LRRTM3: variants seen among roughly 807,000 people sequenced by gnomAD.
LRRTM3 encodes leucine rich repeat transmembrane neuronal 3.
LRRTM3 carries 24 observed loss-of-function variants against 44.7 expected under a neutral mutation model. That is an observed-to-expected ratio of 0.54 (90% CI 0.39 to 0.76). The LOEUF is 0.76. LRRTM3 is among the 30% of genes least tolerant of loss of function. LRRTM3 has a pLI of 0.00. For missense variants in LRRTM3, 587 were observed against 702.2 expected, an observed-to-expected ratio of 0.84 and a Z score of 1.85; for synonymous variants, 277 against 278.7, an observed-to-expected ratio of 0.99 and a Z score of 0.06.
intron 2 of LRRTM3, among the ~76,000 whole-genome samples, chr10:66,980,961 C>T (rs1228768900): frequency 2.6e-5 from 4 of 152,044 alleles, no homozygotes; most frequent in East Asian, 1.9e-4. Context: ...GGCTGGAGTG[C>T]GATGGTGTGA....
chr10:67,057,912 G>T (rs1855535265), intron 2 of LRRTM3, among the ~76,000 whole-genome samples: 1 of 152,156 alleles, frequency 6.6e-6, no homozygotes, highest in African/African-American at 2.4e-5. Context: ...AGACTTCAAA[G>T]AAGGTAATGC....
intron 2 of LRRTM3, among the ~76,000 whole-genome samples, chr10:66,975,602 T>G (rs1032348070): frequency 6.6e-6 from 1 of 152,206 alleles, no homozygotes; most frequent in African/African-American, 2.4e-5. Flanking sequence ...TCTATGATTG[T>G]CATGTACAGA....
At position 67,099,427 on chromosome 10, in the gene LRRTM3, T is replaced by C. The variant is rs999687557; in HGVS notation, c.*1631T>C. ...CATGCCATCAAAAGTAGATTGACAA[T>C]ACATCAATCTAACAGGGGCCAATCA... is the stretch of plus-strand genomic sequence containing the variant. On this transcript the variant is annotated 3_prime_UTR_variant, in exon 3 of 3. Transcript: ENST00000361320. 2.6e-5 allele frequency: 4 copies of C among 151,694 alleles called. No homozygotes were observed. The highest frequency in any genetic ancestry group is 9.7e-5 in the African/African-American group (4 of 41,382). The allele number at this position is 151,694 out of a possible 1,614,324, so 9.4% of individuals were successfully genotyped here.
At chr10:67,075,803 A>G (rs571428020) in intron 2 of LRRTM3, among the ~76,000 whole-genome samples, 24 of 152,346 alleles carry the variant, frequency 1.6e-4, no homozygotes, top group African/African-American at 5.5e-4. Flanking sequence ...AAAGCCATCT[A>G]TTTTTAAAAT....
chr10:66,979,119 C>A (rs1850261123), intron 2 of LRRTM3, among the ~76,000 whole-genome samples: 1 of 151,828 alleles, frequency 6.6e-6, no homozygotes. Context: ...CACCCACCAC[C>A]ACACCTGGCT....
At chr10:67,094,788 T>TA (rs1188404293) in intron 2 of LRRTM3, among the ~76,000 whole-genome samples, 1 of 151,744 alleles carries the variant, frequency 6.6e-6, no homozygotes, top group Non-Finnish European at 1.5e-5. Flanking sequence ...AACAAAGACT[T>TA]ACCTGAACAC....
chr10:67,056,803 A>G (rs1855458420), intron 2 of LRRTM3, among the ~76,000 whole-genome samples: 2 of 152,184 alleles, frequency 1.3e-5, no homozygotes, highest in Non-Finnish European at 2.9e-5. Flanking sequence ...GCAGGATGAA[A>G]CAAAAGACAA....
intron 2 of LRRTM3, among the ~76,000 whole-genome samples, chr10:67,043,320 TCTC>T (rs937718678): frequency 1.1e-4 from 16 of 152,102 alleles, no homozygotes; most frequent in African/African-American, 3.6e-4. Context: ...AGAGATTTAT[TCTC>T]CTATGTTCTC....
chr10:67,062,315 A>G (rs1203770120), intron 2 of LRRTM3, among the ~76,000 whole-genome samples: 1 of 152,190 alleles, frequency 6.6e-6, no homozygotes, highest in Non-Finnish European at 1.5e-5. Context: ...ATCACTTACT[A>G]AAAATGTCTT....
chr10:67,088,734 G>T (rs568552590), intron 2 of LRRTM3, among the ~76,000 whole-genome samples: 2 of 152,010 alleles, frequency 1.3e-5, no homozygotes, highest in South Asian at 4.1e-4. Context: ...ACCACTAAAA[G>T]AATTATTATT....
At chr10:67,064,499 A>C (rs1855953386) in intron 2 of LRRTM3, among the ~76,000 whole-genome samples, 1 of 152,212 alleles carries the variant, frequency 6.6e-6, no homozygotes, top group Non-Finnish European at 1.5e-5. Flanking sequence ...ATTTTACATC[A>C]TCTATAGACA....
chr10:67,086,751 T>C (rs941185923), intron 2 of LRRTM3, among the ~76,000 whole-genome samples: 2 of 152,002 alleles, frequency 1.3e-5, no homozygotes, highest in Non-Finnish European at 2.9e-5. Flanking sequence ...CAGTCATAGA[T>C]ATGGAGAGTT....
At chr10:67,085,194 A>T (rs889877826) in intron 2 of LRRTM3, among the ~76,000 whole-genome samples, 5 of 151,906 alleles carry the variant, frequency 3.3e-5, no homozygotes, top group African/African-American at 7.2e-5. Flanking sequence ...TATGTAGTTT[A>T]TTTTTTAACT....
chr10:67,076,879 CTT>C (rs1856775682), intron 2 of LRRTM3, among the ~76,000 whole-genome samples: 1 of 152,192 alleles, frequency 6.6e-6, no homozygotes, highest in African/African-American at 2.4e-5. Context: ...AAACCTCTCT[CTT>C]GAGCTCTAGA....
At chr10:67,006,390 C>A (rs1158097831) in intron 2 of LRRTM3, among the ~76,000 whole-genome samples, 2 of 152,086 alleles carry the variant, frequency 1.3e-5, no homozygotes, top group East Asian at 3.9e-4. Context: ...CCCCCTCCAC[C>A]CCTTCTCTTT....
chr10:66,951,054 C>G (rs1164842891), intron 2 of LRRTM3, among the ~76,000 whole-genome samples: 1 of 151,472 alleles, frequency 6.6e-6, no homozygotes, highest in South Asian at 2.1e-4. Context: ...GTATTTATCA[C>G]AAGGCTATTG....
intron 2 of LRRTM3, among the ~76,000 whole-genome samples, chr10:67,079,307 G>A (rs1043927926): frequency 6.6e-6 from 1 of 152,176 alleles, no homozygotes; most frequent in African/African-American, 2.4e-5. Context: ...TCATGGCCAT[G>A]TAAGCCATGG....
At chr10:66,980,751 G>A (rs528694575) in intron 2 of LRRTM3, among the ~76,000 whole-genome samples, 30 of 152,158 alleles carry the variant, frequency 2.0e-4, no homozygotes, top group Non-Finnish European at 2.8e-4. Context: ...ATCTCACAAG[G>A]GTCCATTGTC....
intron 2 of LRRTM3, among the ~76,000 whole-genome samples, chr10:66,947,912 A>G (rs1341245278): frequency 6.6e-6 from 1 of 152,184 alleles, no homozygotes; most frequent in African/African-American, 2.4e-5. Context: ...GAGTGTACTT[A>G]CATAAACCTA....
Sources: gnomAD v4.1 joint callset for allele counts (sites outside exome capture counted in the v4.1 genomes callset) on GRCh38, gnomAD v4.1.1 for gene constraint, MANE v1.5 for transcripts, NCBI Gene and HGNC (gene_info 2026-07-23, HGNC 2026-07-21) for gene names.